ZRANB1: variants seen among roughly 807,000 people sequenced by gnomAD.
ZRANB1 encodes ubiquitin thioesterase ZRANB1.
In ZRANB1, 16 loss-of-function variants were observed where a neutral mutation model predicts 80.5. The observed-to-expected ratio is 0.20, with a 90% CI of 0.13 to 0.30. The LOEUF is 0.30. Among genes scored for constraint, ZRANB1 ranks in the 10% least tolerant of loss-of-function variants. The pLI, the probability that ZRANB1 is intolerant of heterozygous loss-of-function variation, is 1.00. For synonymous variants in ZRANB1, 291 were observed against 293.1 expected (o/e 0.99, Z 0.07); for missense variants, 576 against 862.6 (o/e 0.67, Z 4.16).
At chr10:124,948,526 T>C (rs1005506117) in intron 1 of ZRANB1, among the ~76,000 whole-genome samples, 11 of 151,860 alleles carry the variant, frequency 7.2e-5, no homozygotes, top group African/African-American at 1.9e-4. Flanking sequence ...TTTTTTTTTT[T>C]CCTATAAATA....
intron 1 of ZRANB1, among the ~76,000 whole-genome samples, chr10:124,966,338 TC>T (rs1951775656): frequency 6.6e-6 from 1 of 151,994 alleles, no homozygotes; most frequent in South Asian, 2.1e-4. Flanking sequence ...GCCTAATAGT[TC>T]CTCTAAATCT....
chr10:124,978,225 A>C (rs146603298), intron 5 of ZRANB1, among the ~76,000 whole-genome samples: 80 of 152,296 alleles, frequency 5.3e-4, no homozygotes, highest in African/African-American at 1.8e-3. Context: ...TAGAGAGTAG[A>C]GTGAGCAGCC....
chr10:124,963,471 C>G (rs1951750558), intron 1 of ZRANB1, among the ~76,000 whole-genome samples: 1 of 142,750 alleles, frequency 7.0e-6, no homozygotes, highest in South Asian at 2.2e-4. Flanking sequence ...TTCTTACGTT[C>G]TTTTTATCCC....
At chr10:124,920,735 T>A in the ZRANB1 span, among the ~76,000 whole-genome samples, 2 of 152,114 alleles carry the variant, frequency 1.3e-5, no homozygotes, top group African/African-American at 4.8e-5. Flanking sequence ...AGTCTTCTCT[T>A]GCGTGAGACT....
chr10:124,942,207 C>T lies in ZRANB1; in HGVS notation c.-287C>T, dbSNP rs1490832657. 8.2e-7 allele frequency: 1 copy of T among 1,222,832 alleles called. No homozygotes were observed. The highest frequency in any genetic ancestry group is 1.0e-6 in the Non-Finnish European group (1 of 975,334). 75.7% of individuals were successfully genotyped at this position (1,222,832 alleles called of 1,614,324 possible). ...CTTAGATCAAACCTCGTTATATCTCCTGCCTATCTCTTTTGCATTCCAAAG... is the reference window on the plus strand; with the variant it reads ...CTTAGATCAAACCTCGTTATATCTCTTGCCTATCTCTTTTGCATTCCAAAG... On this transcript the variant is annotated 5_prime_UTR_variant, in exon 1 of 9. Coordinates refer to ENST00000359653, the MANE Select transcript of ZRANB1 (RefSeq NM_017580.3).
At chr10:124,975,384 T>G (rs1951867838) in intron 5 of ZRANB1, among the ~76,000 whole-genome samples, 1 of 152,226 alleles carries the variant, frequency 6.6e-6, no homozygotes, top group Non-Finnish European at 1.5e-5. Context: ...AACATACATC[T>G]TTCCAGAATA....
intron 6 of ZRANB1, among the ~76,000 whole-genome samples, chr10:124,982,155 GATTGCTCT>G (rs1384238737): frequency 6.6e-6 from 1 of 152,184 alleles, no homozygotes; most frequent in African/African-American, 2.4e-5. Flanking sequence ...ATAGTCTTGG[GATTGCTCT>G]CCGTTCCTGC....
intron 1 of ZRANB1, among the ~76,000 whole-genome samples, chr10:124,961,308 A>G (rs574439524): frequency 3.3e-5 from 5 of 152,294 alleles, no homozygotes; most frequent in African/African-American, 9.6e-5. Flanking sequence ...GCCCAGCTGG[A>G]ACCTAAGATT....
At chr10:124,922,335 TA>T in the ZRANB1 span, among the ~76,000 whole-genome samples, 44 of 41,532 alleles carry the variant, frequency 1.1e-3, no homozygotes, top group Non-Finnish European at 1.4e-3. Context: ...TGTATATATA[TA>T]TTTTTTTTTT....
the ZRANB1 span, among the ~76,000 whole-genome samples, chr10:124,928,932 C>T: frequency 6.6e-6 from 1 of 152,164 alleles, no homozygotes; most frequent in African/African-American, 2.4e-5. Context: ...ATACAAAGCA[C>T]CTAAAGGGAG....
chr10:124,976,760 T>TG (rs1951880023), intron 5 of ZRANB1, among the ~76,000 whole-genome samples: 2 of 151,836 alleles, frequency 1.3e-5, no homozygotes, highest in South Asian at 4.2e-4. Flanking sequence ...TTAGTAGAGA[T>TG]GGGGTTTCAC....
chr10:124,958,120 TTA>T, intron 1 of ZRANB1, among the ~76,000 whole-genome samples: 1 of 152,372 alleles, frequency 6.6e-6, no homozygotes, highest in African/African-American at 2.4e-5. Flanking sequence ...TGAAAATATA[TTA>T]TTTCTTTTTC....
In ZRANB1 at chr10:124,985,458, T is replaced by C. The variant is rs1952011710; in HGVS notation, c.*466T>C. 1 of 153,410 alleles carries C rather than the reference T, an allele frequency of 6.5e-6. No homozygotes were observed. Among genetic ancestry groups the C allele is most frequent in the Non-Finnish European group, 1.5e-5 (1 of 68,616 alleles). 9.5% of individuals were successfully genotyped at this position (153,410 alleles called of 1,614,324 possible). ...TCACCTTAAAAGATCCATCTAAGTC[T>C]CAGATCTGGAAACGTTTTGTACCGA... On this transcript the variant is annotated 3_prime_UTR_variant, in exon 9 of 9. Transcript: ENST00000359653.
the ZRANB1 span, among the ~76,000 whole-genome samples, chr10:124,935,764 G>GC: frequency 1.3e-5 from 2 of 152,240 alleles, no homozygotes; most frequent in African/African-American, 4.8e-5. Flanking sequence ...CCTCTTCTTG[G>GC]GTTTTACTAA....
the ZRANB1 span, among the ~76,000 whole-genome samples, chr10:124,917,495 C>T: frequency 2.0e-5 from 3 of 152,092 alleles, no homozygotes; most frequent in South Asian, 2.1e-4. Flanking sequence ...AGGGCGGGTC[C>T]GCCCAGCTTG....
intron 2 of ZRANB1, among the ~76,000 whole-genome samples, chr10:124,967,060 T>C (rs928714900): frequency 6.6e-6 from 1 of 152,242 alleles, no homozygotes; most frequent in African/African-American, 2.4e-5. Context: ...CAGATATTTA[T>C]TGTGCATTTA....
rs1410266194 is a variant in ZRANB1 at position 124,963,285 on chromosome 10, A to AG, written c.815-3309_815-3308insG. Among the ~76,000 whole-genome samples, 422 of 151,508 alleles carry AG rather than the reference A, an allele frequency of 2.8e-3. 3 individuals are homozygous for AG. The highest frequency in any genetic ancestry group is 9.5e-3 in the African/African-American group (392 of 41,208). On this transcript the variant is annotated intron_variant, in intron 1 of 8. Transcript: ENST00000359653. ...TGTCTCAAAAAAAAAAAAAAAAAAA[A>AG]AAAATGCTTCAGTTACTCTTGGAGG...
intron 1 of ZRANB1, among the ~76,000 whole-genome samples, chr10:124,949,615 G>T (rs1951619110): frequency 6.7e-6 from 1 of 149,598 alleles, no homozygotes; most frequent in Non-Finnish European, 1.5e-5. Flanking sequence ...TTGACCTCCT[G>T]GGCTTAAGCA....
chr10:124,950,581 T>C (rs539238852), intron 1 of ZRANB1, among the ~76,000 whole-genome samples: 30 of 152,328 alleles, frequency 2.0e-4, no homozygotes, highest in African/African-American at 6.5e-4. Context: ...GGATTCTAAT[T>C]GTATTTGGGC....
Sources: gnomAD v4.1 joint callset for allele counts (sites outside exome capture counted in the v4.1 genomes callset) on GRCh38, gnomAD v4.1.1 for gene constraint, MANE v1.5 for transcripts, NCBI Gene and HGNC (gene_info 2026-07-23, HGNC 2026-07-21) for gene names.